The following BCL2L11 variants were observed in gnomAD, a reference collection of about 807,000 sequenced individuals.
BCL2L11 encodes the protein BCL2 like 11, also known as bcl-2-like protein 11.
BCL2L11 carries 15 observed loss-of-function variants against 20.6 expected under a neutral mutation model. The ratio of observed to expected loss-of-function variants is 0.73; its 90% CI spans 0.49 to 1.12. BCL2L11 has a LOEUF of 1.12. Ranked by LOEUF, BCL2L11 falls within the 50% of genes most tolerant of loss-of-function variation. The pLI is 0.00. For missense variants in BCL2L11, 292 were observed against 260.9 expected, an observed-to-expected ratio of 1.12 and a Z score of -0.82; for synonymous variants, 108 against 92.8, an observed-to-expected ratio of 1.16 and a Z score of -0.94.
intron 2 of BCL2L11, chr2:111,131,343 A>C (rs1011038849): frequency 2.6e-5 from 4 of 151,702 alleles, no homozygotes; most frequent in Admixed American, 2.6e-4. Flanking sequence ...GATAGTTTGT[A>C]GCTTTTGAAG....
intron 2 of BCL2L11, chr2:111,131,613 T>C (rs1295475866): frequency 6.6e-6 from 1 of 152,216 alleles, no homozygotes; most frequent in Non-Finnish European, 1.5e-5. Flanking sequence ...TTTGCTTGCT[T>C]TGTGCTAGGT....
chr2:111,155,462 G>A (rs1357690596), intron 3 of BCL2L11, among the ~76,000 whole-genome samples: 1 of 152,202 alleles, frequency 6.6e-6, no homozygotes, highest in East Asian at 1.9e-4. Flanking sequence ...ACTTGGGTGG[G>A]AGTCTTGACC....
At chr2:111,140,260 T>A (rs758208472) in intron 2 of BCL2L11, among the ~76,000 whole-genome samples, 24 of 150,344 alleles carry the variant, frequency 1.6e-4, no homozygotes, top group Non-Finnish European at 3.6e-4. Flanking sequence ...AGCTAAAATT[T>A]AAAAAAAAAA....
At chr2:111,159,740 C>T (rs3789062) in intron 3 of BCL2L11, among the ~76,000 whole-genome samples, 31,965 of 152,152 alleles carry the variant, frequency 0.21, 3,481 homozygotes, top group Non-Finnish European at 0.24. Flanking sequence ...TAATGTTCCT[C>T]GCTGCAGTGG....
At position 111,150,114 on chromosome 2, in the gene BCL2L11, T is replaced by G; in HGVS notation, c.465T>G (p.Ile155Met). 3.1e-6 allele frequency: 5 copies of G among 1,613,652 alleles called. No homozygotes were observed. The highest frequency in any genetic ancestry group is 4.2e-6 in the Non-Finnish European group (5 of 1,179,754). The change falls in exon 3 of 4, where the codon ATT (isoleucine) becomes ATG (methionine). Residue 155 changes from isoleucine (I) to methionine (M), a missense_variant. By Grantham distance (10) the Ile-to-Met change is conservative (BLOSUM62 1). Coordinates refer to ENST00000393256, the MANE Select transcript of BCL2L11 (RefSeq NM_138621.5). ...GGATCGCCCAAGAGTTGCGGCGTAT[T>G]GGAGACGAGTTTAACGCTTACTATG... is the stretch of plus-strand genomic sequence containing the variant. ...EIWIAQELRR[I>M]GDEFNAYYAR...
chr2:111,153,792 A>G (rs2077510491), intron 3 of BCL2L11: 1 of 1,552,140 alleles, frequency 6.4e-7, no homozygotes, highest in African/African-American at 1.4e-5. Context: ...AGAGAAATAG[A>G]GGAAGTTGTC....
At chr2:111,132,782 G>A (rs567264358) in intron 2 of BCL2L11, among the ~76,000 whole-genome samples, 10 of 152,264 alleles carry the variant, frequency 6.6e-5, no homozygotes, top group Non-Finnish European at 1.3e-4. Context: ...TGGGCCTGTC[G>A]GAAAATGACA....
chr2:111,151,738 G>C, intron 3 of BCL2L11: 1 of 1,124,314 alleles, frequency 8.9e-7, no homozygotes, highest in Non-Finnish European at 1.3e-6. Flanking sequence ...GGTGTTTGAG[G>C]AGAGTGCTGT....
intron 2 of BCL2L11, among the ~76,000 whole-genome samples, chr2:111,127,438 T>TC (rs1553487636): frequency 1.3e-5 from 2 of 150,472 alleles, no homozygotes; most frequent in Non-Finnish European, 3.0e-5. Flanking sequence ...TTTTTTTTTT[T>TC]CCTCAGCGTC....
chr2:111,122,345 G>T (rs1422420372), intron 1 of BCL2L11, among the ~76,000 whole-genome samples: 1 of 152,164 alleles, frequency 6.6e-6, no homozygotes, highest in East Asian at 1.9e-4. Flanking sequence ...TAAGGCTTGT[G>T]TCCGGAAGGA....
rs774161925 is a variant in BCL2L11 at position 111,121,143 on chromosome 2, G to A, written c.-59G>A. On this transcript the variant is annotated 5_prime_UTR_variant, in exon 1 of 4. Coordinates refer to ENST00000393256, the MANE Select transcript of BCL2L11 (RefSeq NM_138621.5). ...GCCTCGGCGCCCTTTCTTGGCCCTTGTTCCCCCAAATGTCTGACTCTGACT... is the reference window on the plus strand; with the variant it reads ...GCCTCGGCGCCCTTTCTTGGCCCTTATTCCCCCAAATGTCTGACTCTGACT... 1.1e-5 allele frequency: 3 copies of A among 265,654 alleles called. No homozygotes were observed. The highest frequency in any genetic ancestry group is 2.1e-5 in the Non-Finnish European group (3 of 140,500). The allele number at this position is 265,654 out of a possible 1,614,324, so 16.5% of individuals were successfully genotyped here.
At chr2:111,122,957 G>A (rs1002417261) in intron 1 of BCL2L11, 1 of 985,444 alleles carries the variant, frequency 1.0e-6, no homozygotes, top group African/African-American at 1.7e-5. Flanking sequence ...CTGAGGGGAG[G>A]GTCTGTGGGA....
At chr2:111,149,417 A>T (rs1308076151) in intron 2 of BCL2L11, among the ~76,000 whole-genome samples, 1 of 152,230 alleles carries the variant, frequency 6.6e-6, no homozygotes, top group African/African-American at 2.4e-5. Flanking sequence ...ACTTGAGCTC[A>T]TCTTGATTGG....
chr2:111,144,431 G>T, intron 2 of BCL2L11: 1 of 1,538,908 alleles, frequency 6.5e-7, no homozygotes, highest in South Asian at 1.2e-5. Context: ...TTTCAAACAT[G>T]ATTCTGATAG....
chr2:111,142,628 G>A (rs1434392389), intron 2 of BCL2L11, among the ~76,000 whole-genome samples: 1 of 152,024 alleles, frequency 6.6e-6, no homozygotes, highest in Non-Finnish European at 1.5e-5. Flanking sequence ...TAAGGATTCT[G>A]TTTTTGCTCT....
At chr2:111,122,898 C>T (rs1357684486) in intron 1 of BCL2L11, 1 of 985,142 alleles carries the variant, frequency 1.0e-6, no homozygotes, top group Non-Finnish European at 1.2e-6. Flanking sequence ...GGCCCGGACG[C>T]TGCGCTCTGA....
chr2:111,138,519 A>G (rs1376432270), intron 2 of BCL2L11, among the ~76,000 whole-genome samples: 2 of 152,120 alleles, frequency 1.3e-5, no homozygotes, highest in Non-Finnish European at 2.9e-5. Context: ...TGTCTTTTGC[A>G]TTGTTGAAGA....
At position 111,123,268 on chromosome 2, in the gene BCL2L11, C is replaced by G. The variant is rs1363079762; in HGVS notation, c.-13-465C>G. On this transcript the variant is annotated intron_variant, in intron 1 of 3. Transcript: ENST00000393256. ...CCAGACCTTCCCCAGACTTGCTGCC[C>G]TCAGCATTTTCGGCAAACAATGGGG... 6.1e-6 allele frequency: 6 copies of G among 985,494 alleles called. No individual in the cohort carries two copies. In the South Asian group the frequency reaches 2.3e-4, roughly 39 times the overall value. The allele number at this position is 985,494 out of a possible 1,614,324, so 61.0% of individuals were successfully genotyped here.
chr2:111,134,793 G>A (rs992897007), intron 2 of BCL2L11, among the ~76,000 whole-genome samples: 7 of 152,154 alleles, frequency 4.6e-5, no homozygotes, highest in East Asian at 1.9e-4. Context: ...GATAGAATTC[G>A]CAGTTGATGT....
Sources: gnomAD v4.1 joint callset for allele counts (sites outside exome capture counted in the v4.1 genomes callset) on GRCh38, gnomAD v4.1.1 for gene constraint, MANE v1.5 for transcripts, NCBI Gene and HGNC (gene_info 2026-07-23, HGNC 2026-07-21) for gene names.